Variants in LARGE1 observed in about 807,000 individuals in gnomAD.
LARGE1 encodes xylosyl- and glucuronyltransferase LARGE1.
Under a neutral mutation model 87.6 loss-of-function variants are expected in LARGE1, and 43 were observed. The observed-to-expected ratio is 0.49, with a 90% CI of 0.38 to 0.63. LARGE1 has a LOEUF of 0.63. Among genes scored for constraint, LARGE1 ranks in the 30% least tolerant of loss-of-function variants. The pLI, the probability that LARGE1 is intolerant of heterozygous loss-of-function variation, is 0.00. For synonymous variants in LARGE1, 434 were observed against 394.6 expected, an observed-to-expected ratio of 1.10 and a Z score of -1.18; for missense variants, 802 against 1,000.2, an observed-to-expected ratio of 0.80 and a Z score of 2.67.
At chr22:33,447,488 GGAAGGAAGGGGCACA>G (rs1215576225) in intron 6 of LARGE1, among the ~76,000 whole-genome samples, 1 of 152,294 alleles carries the variant, frequency 6.6e-6, no homozygotes, top group East Asian at 1.9e-4. Flanking sequence ...GCTTGAGCCC[GGAAGGAAGGGGCACA>G]GTGGGCTCTG....
chr22:33,102,896 C>A, the LARGE1 span, among the ~76,000 whole-genome samples: 7 of 152,256 alleles, frequency 4.6e-5, no homozygotes, highest in African/African-American at 1.7e-4. Context: ...GGGTGGAAAT[C>A]TGCCCATTTC....
chr22:33,353,259 G>A (rs934372141), intron 9 of LARGE1, among the ~76,000 whole-genome samples: 5 of 152,230 alleles, frequency 3.3e-5, no homozygotes, highest in Non-Finnish European at 7.3e-5. Context: ...GATGTTTAAA[G>A]TCTTGTGAAA....
intron 1 of LARGE1, among the ~76,000 whole-genome samples, chr22:33,888,669 A>C (rs1331563323): frequency 6.6e-6 from 1 of 152,190 alleles, no homozygotes; most frequent in Admixed American, 6.5e-5. Flanking sequence ...CAGCCTGGGC[A>C]ACATGGCGAA....
chr22:33,319,298 C>T (rs887123145), intron 10 of LARGE1, among the ~76,000 whole-genome samples: 1 of 152,120 alleles, frequency 6.6e-6, no homozygotes, highest in Admixed American at 6.6e-5. Flanking sequence ...GAGAAGATGC[C>T]GAGGCTAGCT....
At chr22:33,461,283 G>A (rs2068372827) in intron 6 of LARGE1, among the ~76,000 whole-genome samples, 1 of 152,118 alleles carries the variant, frequency 6.6e-6, no homozygotes, top group African/African-American at 2.4e-5. Flanking sequence ...GTGAGACCCT[G>A]TCTCTAAAAA....
chr22:33,271,762 C>T (rs1928260213), downstream of LARGE1, among the ~76,000 whole-genome samples: 1 of 152,228 alleles, frequency 6.6e-6, no homozygotes, highest in Non-Finnish European at 1.5e-5. Flanking sequence ...GCTGCTGGCT[C>T]TGCGGACCTC....
At chr22:33,284,701 C>A (rs5998844) in intron 12 of LARGE1, among the ~76,000 whole-genome samples, 4,885 of 152,224 alleles carry the variant, frequency 0.032, 251 homozygotes, top group African/African-American at 0.11. Context: ...TCTCAGTCTC[C>A]CGAGTAGCTG....
At chr22:33,663,011 A>T (rs1244049411) in intron 2 of LARGE1, among the ~76,000 whole-genome samples, 1 of 152,196 alleles carries the variant, frequency 6.6e-6, no homozygotes, top group East Asian at 1.9e-4. Context: ...AATTCCAACA[A>T]GTATCTATAT....
intron 5 of LARGE1, among the ~76,000 whole-genome samples, chr22:33,595,486 TG>T (rs2078953868): frequency 1.3e-5 from 2 of 152,082 alleles, no homozygotes; most frequent in African/African-American, 2.4e-5. Context: ...GGAGACACAA[TG>T]GGGAGCACAT....
At position 33,412,981 on chromosome 22, in the gene LARGE1, TG is replaced by T. The variant is rs561444762; in HGVS notation, c.892+19179del. Reference sequence around the variant, plus strand: ...CGGCCTTGATTTTTAATAGTGGCTATGTTTAACAACTGGATCCCATATTTCC... The same window carrying T: ...CGGCCTTGATTTTTAATAGTGGCTATTTTAACAACTGGATCCCATATTTCC... On this transcript the variant is annotated intron_variant, in intron 7 of 14. Transcript: ENST00000397394. 5.9e-5 allele frequency among the ~76,000 whole-genome samples: 9 copies of T among 152,342 alleles called. No individual in the cohort carries two copies. In the South Asian group the frequency reaches 1.7e-3, roughly 28 times the overall value.
rs1770150234 is a variant in LARGE1 at position 33,890,088 on chromosome 22, C to T, written c.-83+29907G>A. 2.6e-5 allele frequency among the ~76,000 whole-genome samples: 4 copies of T among 152,202 alleles called. No individual in the cohort carries two copies. The South Asian group carries it at 6.2e-4, about 24-fold the overall frequency. On this transcript the variant is annotated intron_variant, in intron 1 of 14. Coordinates refer to ENST00000397394, the MANE Select transcript of LARGE1 (RefSeq NM_133642.5). ...GCTCCTCAGGCCTGGGAGAGAACAACGACAGTGGTCTGAAGATAGAGGGGA... is the reference window on the plus strand; with the variant it reads ...GCTCCTCAGGCCTGGGAGAGAACAATGACAGTGGTCTGAAGATAGAGGGGA...
intron 1 of LARGE1, among the ~76,000 whole-genome samples, chr22:33,804,864 T>C (rs897182355): frequency 3.9e-5 from 6 of 152,214 alleles, no homozygotes; most frequent in African/African-American, 9.6e-5. Context: ...CGGCTTTCAA[T>C]GGCCTGCAAA....
chr22:33,651,225 C>CAAAAAAAAAAAAAAAA lies in LARGE1; in HGVS notation c.107-573_107-558dup, dbSNP rs71187275. Among the ~76,000 whole-genome samples, 26 of 56,568 alleles carry CAAAAAAAAAAAAAAAA rather than the reference C, an allele frequency of 4.6e-4. 2 individuals carry two copies. The highest frequency in any genetic ancestry group is 1.2e-3 in the African/African-American group (17 of 14,678). 37.1% of individuals were successfully genotyped at this position (56,568 alleles called of 152,430 possible). The stretch of plus-strand genomic sequence containing the variant: ...TGAAACCCGGTCTCTACTAAAAATA[C>CAAAAAAAAAAAAAAAA]AAAAAAAAAAAAAAAAATTAGCCGG... On this transcript the variant is annotated intron_variant, in intron 2 of 14. Coordinates refer to ENST00000397394, the MANE Select transcript of LARGE1 (RefSeq NM_133642.5).
At chr22:33,081,365 C>A in the LARGE1 span, among the ~76,000 whole-genome samples, 3 of 152,056 alleles carry the variant, frequency 2.0e-5, no homozygotes, top group Non-Finnish European at 2.9e-5. Context: ...AGGGAAGGAC[C>A]ATCTCCAGAA....
At chr22:33,725,458 G>C (rs1451483272) in intron 2 of LARGE1, among the ~76,000 whole-genome samples, 1 of 152,106 alleles carries the variant, frequency 6.6e-6, no homozygotes, top group African/African-American at 2.4e-5. Flanking sequence ...GGAACTAGAG[G>C]ACCAACCAAC....
chr22:33,686,325 A>G (rs2149320196), intron 2 of LARGE1, among the ~76,000 whole-genome samples: 1 of 151,996 alleles, frequency 6.6e-6, no homozygotes, highest in Admixed American at 6.5e-5. Context: ...ACCCCTGTTC[A>G]AGACCAGGGG....
chr22:33,643,142 T>C (rs2080497516), intron 3 of LARGE1, among the ~76,000 whole-genome samples: 1 of 152,016 alleles, frequency 6.6e-6, no homozygotes, highest in South Asian at 2.1e-4. Context: ...ACCACATAAT[T>C]GGAAATAAAA....
chr22:33,223,089 G>T (rs1925539371), intron 11 of LARGE1, among the ~76,000 whole-genome samples: 1 of 152,210 alleles, frequency 6.6e-6, no homozygotes, highest in Non-Finnish European at 1.5e-5. Flanking sequence ...TTCAGGGTTA[G>T]TTAGCAAGAT....
At chr22:33,792,055 G>A (rs148287402) in intron 1 of LARGE1, among the ~76,000 whole-genome samples, 1 of 152,108 alleles carries the variant, frequency 6.6e-6, no homozygotes, top group African/African-American at 2.4e-5. Flanking sequence ...CAGAGTCCAG[G>A]AGCACTTAGC....
Sources: allele counts gnomAD v4.1 joint callset (sites outside exome capture counted in the v4.1 genomes callset), GRCh38; gene constraint gnomAD v4.1.1; transcripts MANE v1.5; gene names NCBI Gene and HGNC (gene_info 2026-07-23, HGNC 2026-07-21).